SYNE2: variants seen among roughly 807,000 people sequenced by gnomAD.
The protein encoded by SYNE2 is spectrin repeat containing nuclear envelope protein 2.
Under a neutral mutation model 856.3 loss-of-function variants are expected in SYNE2, and 431 were observed. That is an observed-to-expected ratio of 0.50 (90% CI 0.47 to 0.55). SYNE2 has a LOEUF of 0.55. SYNE2 is among the 20% of genes least tolerant of loss of function. SYNE2 has a pLI of 0.00. For synonymous variants in SYNE2, 2,923 were observed against 2,872.3 expected, an observed-to-expected ratio of 1.02 and a Z score of -0.56; for missense variants, 8,129 against 8,023.2, an observed-to-expected ratio of 1.01 and a Z score of -0.50.
At chr14:64,104,344 T>G (rs1177201542) in intron 64 of SYNE2, among the ~76,000 whole-genome samples, 1 of 152,032 alleles carries the variant, frequency 6.6e-6, no homozygotes, top group Non-Finnish European at 1.5e-5. Context: ...CCCTTCTACC[T>G]CTAGTCCCTC....
intron 56 of SYNE2, among the ~76,000 whole-genome samples, 154 bp from the exon 57 acceptor site, chr14:64,081,289 C>T (rs1373506652): frequency 6.6e-6 from 1 of 152,050 alleles, no homozygotes; most frequent in Non-Finnish European, 1.5e-5. Context: ...GTGTCATAGC[C>T]TAGAGCAGGT....
chr14:63,946,007 A>G (rs535251033), intron 6 of SYNE2, among the ~76,000 whole-genome samples: 4 of 152,162 alleles, frequency 2.6e-5, no homozygotes, highest in Non-Finnish European at 4.4e-5. Flanking sequence ...CAGTTAATCA[A>G]AGTGGTTGTT....
chr14:63,978,761 A>ACT, intron 13 of SYNE2, 91 bp from the exon 14 acceptor site: 1 of 1,120,982 alleles, frequency 8.9e-7, no homozygotes, highest in Non-Finnish European at 1.3e-6. Context: ...AGAAAAAGTT[A>ACT]AAGCCTCAAT....
chr14:64,076,021 A>T lies in SYNE2; in HGVS notation c.10943A>T (p.Glu3648Val). The T allele has an allele frequency of 6.2e-7, 1 of 1,614,022 alleles. No homozygotes were observed. The highest frequency in any genetic ancestry group is 2.2e-5 in the East Asian group (1 of 44,852). The stretch of plus-strand genomic sequence containing the variant: ...GAAAAACTGCGAATCAAGTATTCCG[A>T]AATGTACACCATAGTCCCTGCAGAG... ...IMEKLRIKYS[E>V]MYTIVPAEIE... The change falls in exon 54 of 116, where the codon GAA becomes GTA. Residue 3648 changes from glutamate (E) to valine (V), a missense_variant. Around this residue, in one of 3 missense-constraint regions of SYNE2, gnomAD observed 5,410 missense variants for 5,284.8 expected, o/e 1.02. Coordinates refer to ENST00000555002, the MANE Select transcript of SYNE2 (RefSeq NM_182914.3).
At chr14:64,215,666 A>T in intron 107 of SYNE2, 3 of 477,750 alleles carry the variant, frequency 6.3e-6, no homozygotes, top group Non-Finnish European at 1.1e-5. Flanking sequence ...GCATGGGCCA[A>T]GCTTTCTTCA....
chr14:64,078,543 T>C lies in SYNE2; in HGVS notation c.11100T>C (p.His3700=), dbSNP rs1245881543. ...RKIEEINNGL[H]NVEKMLQQKS... ...TAGAAGAAATTAACAATGGGCTTCA[T>C]AATGTTGAAAAGATGTTGCAGCAGA... Residue 3700 remains histidine, a synonymous_variant, in exon 55 of 116, where the codon CAT becomes CAC. Transcript: ENST00000555002. The C allele has an allele frequency of 1.5e-5, 25 of 1,614,024 alleles. No homozygotes were observed. The highest frequency in any genetic ancestry group is 1.9e-5 in the Non-Finnish European group (23 of 1,179,986).
chr14:64,020,716 G>A (rs777152635), intron 35 of SYNE2, among the ~76,000 whole-genome samples: 1 of 152,190 alleles, frequency 6.6e-6, no homozygotes, highest in Non-Finnish European at 1.5e-5. Flanking sequence ...TTATTTGCTA[G>A]ATGGAGAAAG....
Position 63,976,616 on chromosome 14 carries a change from A to C in SYNE2, c.1182A>C (p.Gln394His). 6.2e-7 allele frequency: 1 copy of C among 1,612,736 alleles called. No homozygotes were observed. Among genetic ancestry groups the C allele is most frequent in the Non-Finnish European group, 8.5e-7 (1 of 1,179,804 alleles). Residue 394 changes from glutamine (Q) to histidine (H), a missense_variant, in exon 12 of 116, where the codon CAA becomes CAC. Around this residue, in one of 3 missense-constraint regions of SYNE2, gnomAD observed 2,422 missense variants for 2,357.4 expected, o/e 1.03. Coordinates refer to ENST00000555002, the MANE Select transcript of SYNE2 (RefSeq NM_182914.3). ...ATGCCTTGCCCCCACCCCTCCATCA[A>C]ACTGAAGCTTGGCTCCAGGAGGTAG... is the stretch of plus-strand genomic sequence containing the variant. The part of the protein sequence containing the change: ...LNYALPPPLH[Q>H]TEAWLQEVEE...
intron 54 of SYNE2, among the ~76,000 whole-genome samples, chr14:64,077,098 C>G (rs977743549): frequency 4.6e-5 from 7 of 151,984 alleles, no homozygotes; most frequent in African/African-American, 1.7e-4. Flanking sequence ...CGTTCAAATT[C>G]AAGGTAGAAA....
intron 1 of SYNE2, among the ~76,000 whole-genome samples, chr14:63,847,213 G>A (rs903553837): frequency 9.9e-5 from 15 of 151,682 alleles, no homozygotes; most frequent in Non-Finnish European, 4.4e-5. Flanking sequence ...GAGAGGCCAA[G>A]GTAGGAGGAT....
At chr14:63,789,155 G>T (rs1887642876) in intron 1 of SYNE2, among the ~76,000 whole-genome samples, 2 of 152,102 alleles carry the variant, frequency 1.3e-5, no homozygotes, top group Admixed American at 6.6e-5. Flanking sequence ...CTTTCAAGAG[G>T]TTCTGATGCA....
At chr14:64,075,597 C>CTTT (rs58200430) in intron 53 of SYNE2, 22 of 163,838 alleles carry the variant, frequency 1.3e-4, no homozygotes, top group South Asian at 2.4e-4. Flanking sequence ...TTCTTTGAAA[C>CTTT]TTTTTTTTTT....
chr14:63,961,472 A>G, intron 8 of SYNE2, 53 bp from the exon 9 acceptor site: 2 of 1,450,704 alleles, frequency 1.4e-6, no homozygotes, highest in Non-Finnish European at 1.9e-6. Context: ...ATTCTTGAGT[A>G]TTCATTATAG....
At chr14:64,091,146 T>A in intron 60 of SYNE2, 98 bp downstream of exon 60, 6 of 1,120,466 alleles carry the variant, frequency 5.4e-6, no homozygotes, top group Non-Finnish European at 7.9e-6. Context: ...ATTATCCTAT[T>A]ATTGTAGGAG....
At chr14:64,073,116 T>C (rs2097425579) in intron 52 of SYNE2, among the ~76,000 whole-genome samples, 1 of 152,120 alleles carries the variant, frequency 6.6e-6, no homozygotes, top group Non-Finnish European at 1.5e-5. Flanking sequence ...GTAGTCATGA[T>C]TGATTATGTA....
At chr14:63,810,012 C>T (rs138405123) in intron 1 of SYNE2, among the ~76,000 whole-genome samples, 4 of 152,120 alleles carry the variant, frequency 2.6e-5, no homozygotes, top group African/African-American at 9.6e-5. Context: ...ATCTTAAGGC[C>T]AGGGTTCAAA....
intron 3 of SYNE2, 124 bp from the exon 4 acceptor site, chr14:63,941,571 C>G: frequency 1.3e-6 from 1 of 777,226 alleles, no homozygotes; most frequent in Non-Finnish European, 2.2e-6. Context: ...CTCTCTCATT[C>G]TCTTAATTAA....
At chr14:63,780,984 A>G (rs377432652) in intron 1 of SYNE2, among the ~76,000 whole-genome samples, 18 of 152,068 alleles carry the variant, frequency 1.2e-4, no homozygotes, top group African/African-American at 4.1e-4. Context: ...GATACCCTTA[A>G]GATTCTTGGA....
upstream of SYNE2, among the ~76,000 whole-genome samples, chr14:63,761,847 AAACC>A (rs1886494309): frequency 1.3e-5 from 2 of 152,190 alleles, no homozygotes; most frequent in Non-Finnish European, 2.9e-5. Flanking sequence ...GGACATTGCC[AAACC>A]TCTCCCAGAG....
Sources: gnomAD v4.1 joint callset for allele counts (sites outside exome capture counted in the v4.1 genomes callset) on GRCh38, gnomAD v4.1.1 for gene constraint, gnomAD v4.1.1 regional missense constraint, MANE v1.5 for transcripts, NCBI Gene and HGNC (gene_info 2026-07-23, HGNC 2026-07-21) for gene names.